FGF1: variants seen among roughly 807,000 people sequenced by gnomAD.
The protein encoded by FGF1 is fibroblast growth factor 1, also known as beta-endothelial cell growth factor.
A neutral mutation model predicts 13.4 loss-of-function variants in FGF1; 9 were observed. The observed-to-expected ratio is 0.67, with a 90% CI of 0.40 to 1.17. The LOEUF is 1.17. FGF1 is among the 50% of genes most tolerant of loss of function. The probability of loss-of-function intolerance (pLI) is 0.01; values close to 1 mark genes in which losing one functional copy is unlikely to be tolerated. For synonymous variants in FGF1, 93 were observed against 79.0 expected, an observed-to-expected ratio of 1.18 and a Z score of -0.94; for missense variants, 156 against 192.7, an observed-to-expected ratio of 0.81 and a Z score of 1.13.
At chr5:142,622,422 G>A (rs1761798229) in intron 1 of FGF1, among the ~76,000 whole-genome samples, 1 of 152,302 alleles carries the variant, frequency 6.6e-6, no homozygotes, top group South Asian at 2.1e-4. Flanking sequence ...TGACAAAGAA[G>A]CTAAGCCAAG....
chr5:142,605,983 G>C (rs779255288), intron 2 of FGF1, among the ~76,000 whole-genome samples: 4 of 152,034 alleles, frequency 2.6e-5, no homozygotes, highest in African/African-American at 7.2e-5. Flanking sequence ...CTTTTTCCTC[G>C]GGTAGCAGCT....
rs773671222 is a variant in FGF1 at position 142,600,771 on chromosome 5, C to A, written c.204G>T (p.Glu68Asp). The change falls in exon 3 of 4, where the codon GAG (glutamate) becomes GAT (aspartate). Residue 68 changes from glutamate (E) to aspartate (D), a missense_variant. Transcript: ENST00000337706. ...QLQLSAESVG[E>D]VYIKSTETGQ... Reference sequence around the variant, plus strand: ...CAGTCTCGGTACTCTTTATATACACCTCCCCCACGCTTTCCGCACTGAGCT... The same window carrying A: ...CAGTCTCGGTACTCTTTATATACACATCCCCCACGCTTTCCGCACTGAGCT... 1.2e-6 allele frequency: 2 copies of A among 1,613,574 alleles called. No homozygotes were observed. The highest frequency in any genetic ancestry group is 1.7e-5 in the Admixed American group (1 of 59,958).
chr5:142,664,398 G>T (rs1769886613), intron 1 of FGF1, among the ~76,000 whole-genome samples: 1 of 152,216 alleles, frequency 6.6e-6, no homozygotes, highest in African/African-American at 2.4e-5. Flanking sequence ...TCTAAGCCCT[G>T]TATTCTCTGC....
At chr5:142,620,889 A>C (rs528878237) in intron 1 of FGF1, among the ~76,000 whole-genome samples, 1 of 152,214 alleles carries the variant, frequency 6.6e-6, no homozygotes, top group Non-Finnish European at 1.5e-5. Context: ...CATTCAGACT[A>C]TTCTTTGGGC....
At chr5:142,667,314 C>T (rs1269513797) in intron 1 of FGF1, among the ~76,000 whole-genome samples, 7 of 150,342 alleles carry the variant, frequency 4.7e-5, no homozygotes, top group South Asian at 2.1e-4. Context: ...AGGCCGGGCG[C>T]GGTGGCTCAC....
chr5:142,634,061 C>T (rs760087534), intron 1 of FGF1, among the ~76,000 whole-genome samples: 89 of 151,186 alleles, frequency 5.9e-4, no homozygotes, highest in Non-Finnish European at 1.1e-3. Flanking sequence ...GACGTGGTGG[C>T]GGGCGCCTGT....
rs942315720 is a variant in FGF1 at position 142,628,916 on chromosome 5, G to C, written c.-34-14755C>G. 2.0e-5 allele frequency among the ~76,000 whole-genome samples: 3 copies of C among 152,154 alleles called. No individual in the cohort carries two copies. The East Asian group carries it at 5.8e-4, about 29-fold the overall frequency. ...TCACATTCAAGATCCTGCATTCCTT[G>C]GCTCCTTCTTGGCATTGTCAGGTTC... On this transcript the variant is annotated intron_variant, in intron 1 of 3. Coordinates refer to ENST00000337706, the MANE Select transcript of FGF1 (RefSeq NM_000800.5).
chr5:142,692,823 AAAACAAAC>A lies in FGF1; in HGVS notation c.-35+4791_-35+4798del, dbSNP rs59345808. 4.8e-3 allele frequency among the ~76,000 whole-genome samples: 725 copies of A among 151,208 alleles called. 7 individuals are homozygous for A. The highest frequency in any genetic ancestry group is 0.015 in the African/African-American group (629 of 41,150). ...TTAATAATTGTCTAGCTATTTGGCA[AAAACAAAC>A]AAACAAACAAACAAACAAACAAACA... On this transcript the variant is annotated intron_variant, in intron 2 of 4. Coordinates refer to the FGF1 transcript ENST00000407758.
At chr5:142,648,086 AAAC>A (rs997145947) in intron 1 of FGF1, among the ~76,000 whole-genome samples, 4 of 152,222 alleles carry the variant, frequency 2.6e-5, no homozygotes, top group African/African-American at 7.2e-5. Context: ...CTCTATCTCA[AAAC>A]AACAACAACA....
chr5:142,660,554 G>A (rs904746428), intron 1 of FGF1, among the ~76,000 whole-genome samples: 2 of 152,142 alleles, frequency 1.3e-5, no homozygotes, highest in Admixed American at 6.5e-5. Flanking sequence ...TCTATATCAC[G>A]CAGGAGCAGC....
At chr5:142,683,438 A>G (rs1774090941) in intron 1 of FGF1, among the ~76,000 whole-genome samples, 1 of 152,236 alleles carries the variant, frequency 6.6e-6, no homozygotes, top group Admixed American at 6.5e-5. Flanking sequence ...ACACAGACTC[A>G]GACTTGGGAG....
intron 1 of FGF1, among the ~76,000 whole-genome samples, chr5:142,665,752 G>A (rs926978378): frequency 5.3e-5 from 8 of 152,154 alleles, no homozygotes; most frequent in Non-Finnish European, 1.0e-4. Flanking sequence ...TCCCACTGAA[G>A]GTTCTACAGT....
chr5:142,663,600 C>T (rs1269275208), intron 1 of FGF1, among the ~76,000 whole-genome samples: 1 of 152,158 alleles, frequency 6.6e-6, no homozygotes, highest in Admixed American at 6.5e-5. Context: ...AGTTGAGAAA[C>T]CAAGAGAAGC....
At chr5:142,632,357 T>C (rs1250555625) in intron 1 of FGF1, among the ~76,000 whole-genome samples, 1 of 152,212 alleles carries the variant, frequency 6.6e-6, no homozygotes, top group Non-Finnish European at 1.5e-5. Context: ...CTTTTCTCTC[T>C]GCAGTGTTGT....
chr5:142,656,574 A>C (rs1482572019), intron 1 of FGF1, among the ~76,000 whole-genome samples: 2 of 152,250 alleles, frequency 1.3e-5, no homozygotes, highest in Admixed American at 1.3e-4. Flanking sequence ...ACAAGTGCCC[A>C]AACATCAATG....
intron 1 of FGF1, among the ~76,000 whole-genome samples, chr5:142,656,830 A>G (rs764173434): frequency 2.6e-5 from 4 of 152,186 alleles, no homozygotes; most frequent in Non-Finnish European, 5.9e-5. Flanking sequence ...TAGAAAACTG[A>G]AAAAATGATT....
At chr5:142,630,861 T>A (rs1763263978) in intron 1 of FGF1, among the ~76,000 whole-genome samples, 1 of 152,234 alleles carries the variant, frequency 6.6e-6, no homozygotes, top group Non-Finnish European at 1.5e-5. Context: ...TTTTGCAGCC[T>A]CTTGTTCTCT....
chr5:142,625,245 T>C (rs1169658811), intron 1 of FGF1, among the ~76,000 whole-genome samples: 1 of 152,034 alleles, frequency 6.6e-6, no homozygotes, highest in Non-Finnish European at 1.5e-5. Flanking sequence ...AATCCAGCTG[T>C]GTCACCAAAC....
At chr5:142,597,136 C>T (rs571850326) in intron 3 of FGF1, among the ~76,000 whole-genome samples, 6 of 152,350 alleles carry the variant, frequency 3.9e-5, no homozygotes, top group African/African-American at 1.2e-4. Context: ...GAACTAGGCA[C>T]TGCCATGCAC....
Sources: allele counts gnomAD v4.1 joint callset (sites outside exome capture counted in the v4.1 genomes callset), GRCh38; gene constraint gnomAD v4.1.1; transcripts MANE v1.5; gene names NCBI Gene and HGNC (gene_info 2026-07-23, HGNC 2026-07-21).